The following SOX6 variants were observed in gnomAD, a reference collection of about 807,000 sequenced individuals.
SOX6 encodes transcription factor SOX-6.
A neutral mutation model predicts 97.8 loss-of-function variants in SOX6; 11 were observed. The ratio of observed to expected loss-of-function variants is 0.11; its 90% CI spans 0.07 to 0.19. The LOEUF (loss-of-function observed/expected upper bound fraction) is 0.19, where lower values mean the gene tolerates loss of function less well. Among genes scored for constraint, SOX6 ranks in the 10% least tolerant of loss-of-function variants. The pLI is 1.00. For missense variants in SOX6, 810 were observed against 1,039.5 expected, an observed-to-expected ratio of 0.78 and a Z score of 3.04; for synonymous variants, 360 against 371.4, an observed-to-expected ratio of 0.97 and a Z score of 0.35.
At chr11:16,014,145 T>C (rs1022859728) in intron 13 of SOX6, among the ~76,000 whole-genome samples, 1 of 152,032 alleles carries the variant, frequency 6.6e-6, no homozygotes, top group Admixed American at 6.6e-5. Context: ...CCAGGCAACA[T>C]TACTACTGAA....
At chr11:16,493,549 C>G (rs1229325937) in intron 4 of SOX6, among the ~76,000 whole-genome samples, 2 of 152,170 alleles carry the variant, frequency 1.3e-5, no homozygotes, top group African/African-American at 4.8e-5. Context: ...AAACATTCTA[C>G]TTCTTAACCT....
At chr11:16,336,480 A>G (rs2134332754) in intron 2 of SOX6, among the ~76,000 whole-genome samples, 1 of 152,228 alleles carries the variant, frequency 6.6e-6, no homozygotes, top group South Asian at 2.1e-4. Context: ...TTCAATGAAT[A>G]ACCTCCCTAA....
chr11:16,448,063 T>A (rs1409440321), intron 1 of SOX6, among the ~76,000 whole-genome samples: 1 of 152,214 alleles, frequency 6.6e-6, no homozygotes, highest in Admixed American at 6.5e-5. Flanking sequence ...AGGATGCTTA[T>A]GAGTTTGACT....
intron 12 of SOX6, among the ~76,000 whole-genome samples, chr11:16,034,430 T>C (rs1304410484): frequency 6.6e-6 from 1 of 152,216 alleles, no homozygotes; most frequent in Non-Finnish European, 1.5e-5. Context: ...ATTCTAATCT[T>C]AGTTGCAAAT....
intron 1 of SOX6, among the ~76,000 whole-genome samples, chr11:16,390,449 T>A (rs1228541652): frequency 6.6e-6 from 1 of 152,166 alleles, no homozygotes; most frequent in Non-Finnish European, 1.5e-5. Context: ...CCTCACTCAA[T>A]TTTCAGTGGA....
intron 4 of SOX6, among the ~76,000 whole-genome samples, chr11:16,578,721 A>C (rs556737311): frequency 1.3e-5 from 2 of 152,274 alleles, no homozygotes; most frequent in African/African-American, 4.8e-5. Context: ...GAAAAGAAAG[A>C]GGAGTGCAGA....
At position 16,028,296 on chromosome 11, in the gene SOX6, C is replaced by T. The variant is rs1855265818; in HGVS notation, c.1624-13246G>A. Among the ~76,000 whole-genome samples the T allele has an allele frequency of 2.6e-5, 4 of 152,234 alleles. No individual in the cohort carries two copies. The South Asian group carries it at 8.3e-4, about 32-fold the overall frequency. On this transcript the variant is annotated intron_variant, in intron 12 of 15. Transcript: ENST00000683767. The stretch of plus-strand genomic sequence containing the variant: ...ACTTGAGATTAAATGAGGCTAGACA[C>T]ATTTGTAAAAGGCTGCACAACTTGT...
intron 4 of SOX6, among the ~76,000 whole-genome samples, chr11:16,218,848 T>C (rs1852450915): frequency 6.6e-6 from 1 of 152,118 alleles, no homozygotes; most frequent in South Asian, 2.1e-4. Flanking sequence ...TTTTTCTACC[T>C]TACTCTATTC....
chr11:16,703,192 T>A (rs902494211), intron 3 of SOX6, among the ~76,000 whole-genome samples: 2 of 151,994 alleles, frequency 1.3e-5, no homozygotes, highest in African/African-American at 4.8e-5. Flanking sequence ...AATAAAAATA[T>A]ATAGTTTATA....
At chr11:16,047,699 A>AGC (rs1166468575) in intron 11 of SOX6, among the ~76,000 whole-genome samples, 2 of 116,368 alleles carry the variant, frequency 1.7e-5, no homozygotes, top group Admixed American at 1.0e-4. Flanking sequence ...ATCATTTCAT[A>AGC]GCGTGTGTGT....
chr11:16,547,776 G>T (rs1001053960), intron 4 of SOX6, among the ~76,000 whole-genome samples: 4 of 152,038 alleles, frequency 2.6e-5, no homozygotes, highest in Admixed American at 2.6e-4. Context: ...TAGAAGAAAG[G>T]ATTGAAATGT....
intron 9 of SOX6, among the ~76,000 whole-genome samples, chr11:16,091,241 C>A (rs574881813): frequency 6.6e-6 from 1 of 152,182 alleles, no homozygotes; most frequent in Non-Finnish European, 1.5e-5. Flanking sequence ...CAAAGCAGAG[C>A]CCCATGGCTG....
chr11:16,496,139 T>G (rs566809939), intron 4 of SOX6, among the ~76,000 whole-genome samples: 1 of 151,974 alleles, frequency 6.6e-6, no homozygotes, highest in East Asian at 1.9e-4. Context: ...AAACCAGATG[T>G]GCAGATATCA....
intron 1 of SOX6, among the ~76,000 whole-genome samples, chr11:16,383,239 T>C (rs1857881854): frequency 6.6e-6 from 1 of 151,952 alleles, no homozygotes; most frequent in South Asian, 2.1e-4. Flanking sequence ...GTCACTACAT[T>C]GCTCCATAGA....
intron 1 of SOX6, among the ~76,000 whole-genome samples, chr11:16,384,814 A>G (rs1857930399): frequency 6.6e-6 from 1 of 152,052 alleles, no homozygotes; most frequent in Non-Finnish European, 1.5e-5. Flanking sequence ...TCAGAAAAGA[A>G]CATACTGCTT....
chr11:16,558,002 T>G (rs1278569692), intron 4 of SOX6, among the ~76,000 whole-genome samples: 1 of 151,906 alleles, frequency 6.6e-6, no homozygotes, highest in Non-Finnish European at 1.5e-5. Flanking sequence ...AAACACAATT[T>G]GAAAAATTAG....
chr11:16,522,267 C>A (rs1225167095), intron 4 of SOX6, among the ~76,000 whole-genome samples: 2 of 152,264 alleles, frequency 1.3e-5, no homozygotes, highest in South Asian at 2.1e-4. Context: ...GCCCATCAGA[C>A]TAACAGCGGA....
intron 6 of SOX6, among the ~76,000 whole-genome samples, chr11:16,178,022 C>A (rs1007204718): frequency 3.8e-4 from 57 of 151,980 alleles, no homozygotes; most frequent in African/African-American, 1.3e-3. Context: ...TGAAGGATAG[C>A]GCAGAAAAAG....
intron 15 of SOX6, among the ~76,000 whole-genome samples, chr11:15,978,933 A>ATGCTTATTT (rs1853579366): frequency 7.2e-6 from 1 of 138,526 alleles, no homozygotes; most frequent in Non-Finnish European, 1.6e-5. Flanking sequence ...ATTATATATT[A>ATGCTTATTT]TATATAAAAT....
Sources: gnomAD v4.1 joint callset for allele counts (sites outside exome capture counted in the v4.1 genomes callset) on GRCh38, gnomAD v4.1.1 for gene constraint, MANE v1.5 for transcripts, NCBI Gene and HGNC (gene_info 2026-07-23, HGNC 2026-07-21) for gene names.